COP1: variants seen among roughly 807,000 people sequenced by gnomAD.
The protein encoded by COP1 is COP1 E3 ubiquitin ligase, also known as E3 ubiquitin-protein ligase COP1.
A neutral mutation model predicts 101.3 loss-of-function variants in COP1; 24 were observed. That is an observed-to-expected ratio of 0.24 (90% CI 0.17 to 0.33). COP1 has a LOEUF of 0.33. Among genes scored for constraint, COP1 ranks in the 10% least tolerant of loss-of-function variants. The pLI, the probability that COP1 is intolerant of heterozygous loss-of-function variation, is 1.00. For missense variants in COP1, 663 were observed against 906.2 expected, an observed-to-expected ratio of 0.73 and a Z score of 3.45; for synonymous variants, 347 against 341.9, an observed-to-expected ratio of 1.01 and a Z score of -0.17.
chr1:176,206,522 G>T, intron 1 of COP1, 50 bp downstream of exon 1: 1 of 1,567,970 alleles, frequency 6.4e-7, no homozygotes. Context: ...AAGCCTAAGC[G>T]GCAGAAACTC....
At chr1:176,168,419 C>G (rs659279) in intron 3 of COP1, among the ~76,000 whole-genome samples, 4 of 123,434 alleles carry the variant, frequency 3.2e-5, no homozygotes, top group Admixed American at 9.0e-5. Flanking sequence ...GGGGGGAGTA[C>G]GGGGGAAAGG....
At chr1:176,143,685 A>G (rs752928258) in intron 6 of COP1, among the ~76,000 whole-genome samples, 1 of 152,082 alleles carries the variant, frequency 6.6e-6, no homozygotes, top group Non-Finnish European at 1.5e-5. Flanking sequence ...AGGGGGACCA[A>G]TTGTCCTGGT....
intron 8 of COP1, among the ~76,000 whole-genome samples, chr1:176,133,256 G>C (rs564872348): frequency 6.0e-5 from 9 of 150,278 alleles, no homozygotes; most frequent in African/African-American, 2.2e-4. Flanking sequence ...ACACACATAC[G>C]TATATACGTA....
At chr1:176,206,421 G>A (rs1342218432) in intron 1 of COP1, 151 bp downstream of exon 1, 7 of 843,798 alleles carry the variant, frequency 8.3e-6, no homozygotes, top group Non-Finnish European at 1.2e-5. Context: ...TCGAATGCCT[G>A]CAAACGCTCG....
chr1:176,110,337 A>C (rs1342424922), intron 9 of COP1, among the ~76,000 whole-genome samples: 1 of 152,106 alleles, frequency 6.6e-6, no homozygotes, highest in Non-Finnish European at 1.5e-5. Flanking sequence ...AAGTTCTTTT[A>C]CCTCATCTTC....
At chr1:176,195,982 C>A (rs536749987) in intron 1 of COP1, among the ~76,000 whole-genome samples, 1 of 152,132 alleles carries the variant, frequency 6.6e-6, no homozygotes, top group African/African-American at 2.4e-5. Flanking sequence ...AATATACCCA[C>A]GTAACAAACC....
rs192670963 is a variant in COP1, at chr1:175,977,661, A to C, written c.2133+9282T>G. Among the ~76,000 whole-genome samples the C allele has an allele frequency of 6.9e-4, 105 of 152,246 alleles. 1 individual carries two copies. In the East Asian group the frequency reaches 0.013, roughly 18 times the overall value. ...TTATATGTGAGACTGTACAAGTAAA[A>C]TACAAAAAAAAGTTTCTTTTCCCCA... On this transcript the variant is annotated intron_variant, in intron 18 of 19. Coordinates refer to ENST00000367669, the MANE Select transcript of COP1 (RefSeq NM_022457.7).
chr1:176,173,721 C>G (rs1282826052), intron 3 of COP1, among the ~76,000 whole-genome samples: 1 of 151,578 alleles, frequency 6.6e-6, no homozygotes, highest in Non-Finnish European at 1.5e-5. Flanking sequence ...GGCGCAATGA[C>G]TCACACCTGT....
intron 11 of COP1, among the ~76,000 whole-genome samples, chr1:176,058,953 CTCTG>C (rs1386093338): frequency 6.6e-6 from 1 of 152,202 alleles, no homozygotes; most frequent in East Asian, 1.9e-4. Flanking sequence ...TCAAGTTTCA[CTCTG>C]TCAGCCACTT....
intron 18 of COP1, among the ~76,000 whole-genome samples, chr1:175,952,750 A>G (rs1650106562): frequency 6.6e-6 from 1 of 151,832 alleles, no homozygotes; most frequent in Non-Finnish European, 1.5e-5. Context: ...TGCTACTAAA[A>G]ATAAAAAAAA....
At chr1:176,130,577 C>T (rs571649932) in intron 8 of COP1, among the ~76,000 whole-genome samples, 2 of 151,726 alleles carry the variant, frequency 1.3e-5, no homozygotes, top group African/African-American at 4.8e-5. Context: ...TTTTAAAAAA[C>T]ATACCTCACC....
chr1:176,002,580 C>A (rs1661958912), intron 15 of COP1, among the ~76,000 whole-genome samples: 1 of 137,584 alleles, frequency 7.3e-6, no homozygotes, highest in Non-Finnish European at 1.5e-5. Context: ...TTGTTCAATT[C>A]CCACCTATGA....
intron 14 of COP1, among the ~76,000 whole-genome samples, chr1:176,031,303 A>G (rs1201072497): frequency 1.3e-5 from 2 of 152,198 alleles, no homozygotes; most frequent in East Asian, 3.8e-4. Context: ...ATAAAATAGT[A>G]TAATCTTTTG....
intron 15 of COP1, among the ~76,000 whole-genome samples, chr1:176,015,997 T>C (rs1352064886): frequency 2.6e-5 from 4 of 152,122 alleles, no homozygotes; most frequent in African/African-American, 9.7e-5. Context: ...ATGAGATACA[T>C]GGCTTGGACC....
intron 1 of COP1, among the ~76,000 whole-genome samples, chr1:176,200,871 T>C (rs1413810148): frequency 6.6e-6 from 1 of 152,002 alleles, no homozygotes; most frequent in Non-Finnish European, 1.5e-5. Context: ...ACATACAACA[T>C]CACATATAAA....
At chr1:176,021,796 T>C (rs1353885791) in intron 15 of COP1, among the ~76,000 whole-genome samples, 1 of 152,168 alleles carries the variant, frequency 6.6e-6, no homozygotes, top group East Asian at 1.9e-4. Context: ...AAGTCTGATA[T>C]ATTGGGATCA....
chr1:176,071,476 A>ACCATGTCC (rs1677002512), intron 11 of COP1, among the ~76,000 whole-genome samples: 1 of 152,210 alleles, frequency 6.6e-6, no homozygotes, highest in African/African-American at 2.4e-5. Flanking sequence ...TACCATGTAC[A>ACCATGTCC]TCACTCTTAC....
At chr1:176,136,367 A>C in intron 7 of COP1, 121 bp downstream of exon 7, 1 of 473,592 alleles carries the variant, frequency 2.1e-6, no homozygotes, top group Non-Finnish European at 3.8e-6. Flanking sequence ...AATGAAAGTA[A>C]CAGCTGTTAC....
intron 6 of COP1, among the ~76,000 whole-genome samples, chr1:176,137,594 T>C (rs976916417): frequency 6.6e-6 from 1 of 152,178 alleles, no homozygotes; most frequent in Non-Finnish European, 1.5e-5. Flanking sequence ...ACAGAAAGGT[T>C]AAATGATTTG....
Sources: allele counts gnomAD v4.1 joint callset (sites outside exome capture counted in the v4.1 genomes callset), GRCh38; gene constraint gnomAD v4.1.1; transcripts MANE v1.5; gene names NCBI Gene and HGNC (gene_info 2026-07-23, HGNC 2026-07-21).